The following ZFHX3 variants were observed in gnomAD, a reference collection of about 807,000 sequenced individuals.
ZFHX3 encodes zinc finger homeobox 3.
A neutral mutation model predicts 279.1 loss-of-function variants in ZFHX3; 42 were observed. The observed-to-expected ratio is 0.15, with a 90% CI of 0.12 to 0.19. The LOEUF (loss-of-function observed/expected upper bound fraction) is 0.19, where lower values mean the gene tolerates loss of function less well. Ranked by LOEUF, ZFHX3 falls within the 10% of genes least tolerant of loss-of-function variation. ZFHX3 has a pLI of 1.00. For missense variants in ZFHX3, 4,981 were observed against 4,754.0 expected (o/e 1.05, Z -1.40); for synonymous variants, 2,293 against 1,957.8 (o/e 1.17, Z -4.52).
At chr16:73,152,740 G>T (rs1421511503) in intron 5 of ZFHX3, among the ~76,000 whole-genome samples, 1 of 124,590 alleles carries the variant, frequency 8.0e-6, no homozygotes, top group Non-Finnish European at 1.6e-5. Context: ...AAGAGAGAGA[G>T]AGAAAAAAAA....
chr16:73,165,955 G>A (rs897279381), intron 5 of ZFHX3, among the ~76,000 whole-genome samples: 1 of 152,158 alleles, frequency 6.6e-6, no homozygotes, highest in African/African-American at 2.4e-5. Context: ...ACGACTGTGG[G>A]CCTAATAACA....
chr16:73,718,181 G>C (rs995018530), intron 1 of ZFHX3, among the ~76,000 whole-genome samples: 1 of 152,150 alleles, frequency 6.6e-6, no homozygotes, highest in African/African-American at 2.4e-5. Context: ...GAAGCCAAAG[G>C]GGGTAGATGA....
intron 3 of ZFHX3, among the ~76,000 whole-genome samples, chr16:72,906,451 G>C (rs1466954863): frequency 1.3e-5 from 2 of 151,952 alleles, no homozygotes; most frequent in East Asian, 3.9e-4. Context: ...AAACCTTCTG[G>C]AGAACTGTGA....
At chr16:73,208,790 A>G (rs763111367) in intron 5 of ZFHX3, among the ~76,000 whole-genome samples, 1 of 152,240 alleles carries the variant, frequency 6.6e-6, no homozygotes, top group Non-Finnish European at 1.5e-5. Flanking sequence ...TGAATAAAAT[A>G]CTTGGGAAAG....
chr16:73,057,593 C>G (rs1965585895), intron 1 of ZFHX3, among the ~76,000 whole-genome samples: 1 of 151,468 alleles, frequency 6.6e-6, no homozygotes, highest in African/African-American at 2.4e-5. Flanking sequence ...AAGGCATCCT[C>G]GGATGTCTCT....
intron 5 of ZFHX3, among the ~76,000 whole-genome samples, chr16:73,200,688 A>G (rs1161805629): frequency 6.6e-6 from 1 of 152,198 alleles, no homozygotes; most frequent in African/African-American, 2.4e-5. Flanking sequence ...CAATTCACAA[A>G]TCACAGACTT....
At chr16:73,473,477 T>C (rs2018711819) in intron 2 of ZFHX3, among the ~76,000 whole-genome samples, 1 of 151,996 alleles carries the variant, frequency 6.6e-6, no homozygotes, top group African/African-American at 2.4e-5. Flanking sequence ...CCAACAGCAG[T>C]TGGCAAAATC....
intron 2 of ZFHX3, among the ~76,000 whole-genome samples, chr16:73,625,825 C>G (rs1251120888): frequency 6.6e-6 from 1 of 152,162 alleles, no homozygotes; most frequent in Non-Finnish European, 1.5e-5. Flanking sequence ...TAAAAGCTGC[C>G]TGTCCTCTGT....
intron 1 of ZFHX3, among the ~76,000 whole-genome samples, chr16:73,884,303 T>A (rs1032238053): frequency 2.0e-5 from 3 of 152,076 alleles, no homozygotes; most frequent in Non-Finnish European, 4.4e-5. Flanking sequence ...AAAAAAAAAA[T>A]TGGTTATGTG....
intron 3 of ZFHX3, among the ~76,000 whole-genome samples, chr16:72,941,006 G>C (rs1011635276): frequency 2.0e-4 from 31 of 152,346 alleles, no homozygotes; most frequent in African/African-American, 6.5e-4. Flanking sequence ...CACGTGCTGT[G>C]AATTTTCATG....
Position 72,794,428 on chromosome 16 carries a change from A to G in ZFHX3, c.8254T>C (p.Leu2752=), listed in dbSNP as rs775422434. 2 of 1,613,548 alleles carry G rather than the reference A, an allele frequency of 1.2e-6. No individual in the cohort carries two copies. The highest frequency in any genetic ancestry group is 1.1e-5 in the South Asian group (1 of 91,008). The change falls in exon 9 of 10, where the codon TTA becomes CTA. Residue 2752 remains leucine (L), a synonymous_variant. Transcript: ENST00000268489. This position sits in a 1 kb window ranked among gnomAD's most constrained non-coding sequence, Gnocchi z 4.2. The stretch of plus-strand genomic sequence containing the variant: ...ATCTGGAGTCCCCCATCACAGTCTA[A>G]GAGCATCGCAGACAGAGTTAGGTTG... ...GYNLTLSAML[L]DCDGGLQMKG...
intron 7 of ZFHX3, among the ~76,000 whole-genome samples, chr16:73,107,677 G>A (rs1047870326): frequency 5.3e-5 from 8 of 152,182 alleles, no homozygotes; most frequent in African/African-American, 1.9e-4. Context: ...AGCACCACGC[G>A]TATTTGGTTT....
chr16:72,951,786 A>T (rs1440152750), intron 2 of ZFHX3, among the ~76,000 whole-genome samples: 1 of 152,230 alleles, frequency 6.6e-6, no homozygotes, highest in African/African-American at 2.4e-5. Flanking sequence ...CCTTGAGAAC[A>T]ATCTATGGCT....
chr16:73,620,488 T>C (rs1402502796), intron 2 of ZFHX3, among the ~76,000 whole-genome samples: 1 of 152,160 alleles, frequency 6.6e-6, no homozygotes, highest in East Asian at 1.9e-4. Context: ...ACAGGAGATA[T>C]TAGCAAAAAT....
At chr16:73,849,968 G>A (rs1417877122) in intron 1 of ZFHX3, among the ~76,000 whole-genome samples, 1 of 152,104 alleles carries the variant, frequency 6.6e-6, no homozygotes, top group African/African-American at 2.4e-5. Flanking sequence ...CCTGACCTCA[G>A]GTGATCCACT....
intron 1 of ZFHX3, among the ~76,000 whole-genome samples, chr16:73,784,324 A>G (rs767211507): frequency 6.6e-6 from 1 of 152,176 alleles, no homozygotes; most frequent in African/African-American, 2.4e-5. Flanking sequence ...AGATGTGCTT[A>G]ACATGCTTAA....
At chr16:73,725,402 A>G (rs2142242312) in intron 1 of ZFHX3, among the ~76,000 whole-genome samples, 1 of 152,264 alleles carries the variant, frequency 6.6e-6, no homozygotes, top group Non-Finnish European at 1.5e-5. Flanking sequence ...ATGCCAAAGG[A>G]AGAGCAGGAA....
At chr16:73,852,849 G>A (rs1961624210) in intron 1 of ZFHX3, among the ~76,000 whole-genome samples, 1 of 152,156 alleles carries the variant, frequency 6.6e-6, no homozygotes, top group African/African-American at 2.4e-5. Flanking sequence ...GCTCTGCACA[G>A]CAAAGGAAAT....
At chr16:72,838,586 G>T (rs1597294859) in intron 4 of ZFHX3, among the ~76,000 whole-genome samples, 1 of 152,024 alleles carries the variant, frequency 6.6e-6, no homozygotes, top group Non-Finnish European at 1.5e-5. Flanking sequence ...AGCATGAAGT[G>T]AAAAATGCTG....
Sources: allele counts gnomAD v4.1 joint callset (sites outside exome capture counted in the v4.1 genomes callset), GRCh38; gene constraint gnomAD v4.1.1; non-coding constraint Gnocchi (gnomAD v3.1); transcripts MANE v1.5; gene names NCBI Gene and HGNC (gene_info 2026-07-23, HGNC 2026-07-21).